The following EYS variants were observed in gnomAD, a reference collection of about 807,000 sequenced individuals.
The protein encoded by EYS is EGF-like photoreceptor maintenance factor, also known as protein eyes shut homolog.
In EYS, 250 loss-of-function variants were observed where a neutral mutation model predicts 282.1. That is an observed-to-expected ratio of 0.89 (90% CI 0.80 to 0.98). The LOEUF is 0.98. EYS is among the 50% of genes least tolerant of loss of function. The pLI is 0.00. For synonymous variants in EYS, 1,355 were observed against 1,282.9 expected (o/e 1.06, Z -1.20); for missense variants, 4,016 against 3,709.0 (o/e 1.08, Z -2.15).
At chr6:64,547,338 C>T (rs1265411921) in intron 26 of EYS, among the ~76,000 whole-genome samples, 1 of 152,140 alleles carries the variant, frequency 6.6e-6, no homozygotes, top group African/African-American at 2.4e-5. Context: ...CTCCATTTTA[C>T]AGAGAGCTGA....
At chr6:64,675,925 CT>C (rs1476876403) in intron 22 of EYS, among the ~76,000 whole-genome samples, 2 of 150,174 alleles carry the variant, frequency 1.3e-5, no homozygotes, top group African/African-American at 4.9e-5. Flanking sequence ...GGCTCTCTCT[CT>C]CTCCCTCTTT....
At chr6:64,881,724 A>T (rs1190714677) in intron 19 of EYS, among the ~76,000 whole-genome samples, 1 of 151,790 alleles carries the variant, frequency 6.6e-6, no homozygotes, top group Non-Finnish European at 1.5e-5. Context: ...TCATGGTTAT[A>T]ACTCAATAAA....
intron 33 of EYS, among the ~76,000 whole-genome samples, chr6:64,050,241 T>C (rs1449789485): frequency 5.3e-5 from 8 of 152,156 alleles, no homozygotes; most frequent in Admixed American, 5.2e-4. Flanking sequence ...TCTTTGGAAT[T>C]CTCTCCTGAC....
At chr6:64,205,520 C>G (rs962155346) in intron 31 of EYS, among the ~76,000 whole-genome samples, 1 of 152,068 alleles carries the variant, frequency 6.6e-6, no homozygotes, top group Non-Finnish European at 1.5e-5. Context: ...AAGTTTTATG[C>G]TTTAAAATTT....
At chr6:64,782,791 T>G (rs1773900675) in intron 22 of EYS, among the ~76,000 whole-genome samples, 1 of 152,200 alleles carries the variant, frequency 6.6e-6, no homozygotes, top group South Asian at 2.1e-4. Context: ...AGTTCTCAAT[T>G]ACATATATTT....
chr6:64,169,780 T>G (rs1352024966), intron 31 of EYS, among the ~76,000 whole-genome samples: 1 of 152,016 alleles, frequency 6.6e-6, no homozygotes, highest in Non-Finnish European at 1.5e-5. Context: ...AGCTCAGCCT[T>G]CTCCTACAGA....
intron 12 of EYS, among the ~76,000 whole-genome samples, chr6:65,091,516 T>C (rs1774566396): frequency 6.6e-6 from 1 of 151,746 alleles, no homozygotes; most frequent in South Asian, 2.1e-4. Context: ...AGTTAGATAA[T>C]TCATACATGT....
At chr6:64,151,354 TATATATATA>T (rs1774722249) in intron 31 of EYS, among the ~76,000 whole-genome samples, 4 of 116,108 alleles carry the variant, frequency 3.4e-5, no homozygotes, top group Admixed American at 8.3e-5. Flanking sequence ...TATATATATA[TATATATATA>T]ATTTTTTTTT....
intron 5 of EYS, among the ~76,000 whole-genome samples, chr6:65,459,307 C>A (rs1582323530): frequency 6.6e-6 from 1 of 152,082 alleles, no homozygotes; most frequent in South Asian, 2.1e-4. Flanking sequence ...AAAGATGAAG[C>A]AATTGATGTT....
intron 24 of EYS, among the ~76,000 whole-genome samples, chr6:64,600,193 T>C (rs1185170587): frequency 5.3e-5 from 8 of 152,108 alleles, no homozygotes; most frequent in Non-Finnish European, 8.8e-5. Context: ...CTGACCTCTG[T>C]TTACCTCACT....
intron 35 of EYS, among the ~76,000 whole-genome samples, chr6:63,919,098 AAAGT>A (rs1262528470): frequency 6.6e-6 from 1 of 152,102 alleles, no homozygotes; most frequent in Non-Finnish European, 1.5e-5. Flanking sequence ...TAGGAGAAGG[AAAGT>A]AAGTAAATTT....
Position 64,545,260 on chromosome 6 carries a change from C to T in EYS, c.5644+44963G>A, listed in dbSNP as rs528906845. On this transcript the variant is annotated intron_variant, in intron 26 of 42. Transcript: ENST00000503581. Reference sequence around the variant, plus strand: ...TAATCCAGGATATAAACAGAACCAACGACAAAAACCATACGATTATCTCAA... The same window carrying T: ...TAATCCAGGATATAAACAGAACCAATGACAAAAACCATACGATTATCTCAA... Among the ~76,000 whole-genome samples, 45 of 152,172 alleles carry T rather than the reference C, an allele frequency of 3.0e-4. 1 individual carries two copies. The South Asian group carries it at 3.9e-3, about 13-fold the overall frequency.
intron 29 of EYS, among the ~76,000 whole-genome samples, chr6:64,370,749 G>A (rs1317222001): frequency 6.6e-6 from 1 of 152,026 alleles, no homozygotes; most frequent in Non-Finnish European, 1.5e-5. Flanking sequence ...TCAATCTTGT[G>A]TGGTTGTATG....
At chr6:63,875,514 T>C (rs891736328) in intron 35 of EYS, among the ~76,000 whole-genome samples, 1 of 152,214 alleles carries the variant, frequency 6.6e-6, no homozygotes, top group Non-Finnish European at 1.5e-5. Flanking sequence ...GTCCCTCTTT[T>C]TCTATTGATT....
chr6:65,124,506 T>C (rs1374911458), intron 12 of EYS, among the ~76,000 whole-genome samples: 2 of 152,200 alleles, frequency 1.3e-5, no homozygotes, highest in African/African-American at 2.4e-5. Context: ...TACTTACATT[T>C]GAGGTTTTAT....
intron 33 of EYS, among the ~76,000 whole-genome samples, chr6:64,003,599 A>T (rs550380311): frequency 4.7e-4 from 71 of 151,974 alleles, no homozygotes; most frequent in African/African-American, 1.6e-3. Flanking sequence ...CTTAAAAATT[A>T]AAAAAAAATT....
chr6:63,984,557 T>C lies in EYS; in HGVS notation c.6881A>G (p.Gln2294Arg). 1 of 1,549,612 alleles carries C rather than the reference T, an allele frequency of 6.5e-7. No individual in the cohort carries two copies. Among genetic ancestry groups the C allele is most frequent in the Non-Finnish European group, 8.7e-7 (1 of 1,145,556 alleles). Residue 2294 changes from glutamine (Q) to arginine (R), a missense_variant, in exon 35 of 43, where the codon CAA (glutamine) becomes CGA (arginine). Transcript: ENST00000503581. ...AACAGGACCTGCTTTCTTATGAATT[T>C]GAACATTTGCAGGAATATGGCCAAG... is the stretch of plus-strand genomic sequence containing the variant. Reference protein sequence around the residue: ...MFLGHIPANVQIHKKAGPVYG... With the variant: ...MFLGHIPANVRIHKKAGPVYG...
intron 1 of EYS, among the ~76,000 whole-genome samples, chr6:65,682,565 T>C (rs1412379614): frequency 6.6e-6 from 1 of 151,980 alleles, no homozygotes; most frequent in Non-Finnish European, 1.5e-5. Flanking sequence ...CACATATTAG[T>C]TTATTTAATA....
At chr6:64,685,560 T>G (rs530888288) in intron 22 of EYS, among the ~76,000 whole-genome samples, 1 of 152,292 alleles carries the variant, frequency 6.6e-6, no homozygotes, top group African/African-American at 2.4e-5. Context: ...GTCTCTCTCT[T>G]GCTTCCTCTC....
Sources: gnomAD v4.1 joint callset for allele counts (sites outside exome capture counted in the v4.1 genomes callset) on GRCh38, gnomAD v4.1.1 for gene constraint, MANE v1.5 for transcripts, NCBI Gene and HGNC (gene_info 2026-07-23, HGNC 2026-07-21) for gene names.